Variants in NUSAP1 observed in about 807,000 individuals in gnomAD.
The protein encoded by NUSAP1 is nucleolar and spindle-associated protein 1.
A neutral mutation model predicts 52.8 loss-of-function variants in NUSAP1; 32 were observed. That is an observed-to-expected ratio of 0.61 (90% CI 0.46 to 0.81). NUSAP1 has a LOEUF of 0.81. Ranked by LOEUF, NUSAP1 falls within the 40% of genes least tolerant of loss-of-function variation. NUSAP1 has a pLI of 0.00. For synonymous variants in NUSAP1, 195 were observed against 183.1 expected, an observed-to-expected ratio of 1.06 and a Z score of -0.52; for missense variants, 499 against 522.3, an observed-to-expected ratio of 0.96 and a Z score of 0.43.
chr15:41,348,350 GT>G (rs983642398), intron 2 of NUSAP1, among the ~76,000 whole-genome samples: 45 of 151,988 alleles, frequency 3.0e-4, no homozygotes, highest in Admixed American at 2.7e-3. Context: ...AAATGCTGGG[GT>G]TACAGGTGTG....
intron 2 of NUSAP1, 111 bp from the exon 3 acceptor site, chr15:41,348,987 A>T (rs1363831126): frequency 5.4e-6 from 6 of 1,108,984 alleles, no homozygotes; most frequent in Non-Finnish European, 6.4e-6. Context: ...AGAGTTTTAA[A>T]TTTTTTCTTT....
chr15:41,336,999 C>CTTTTTTT (rs201223527), intron 1 of NUSAP1, among the ~76,000 whole-genome samples: 40 of 65,788 alleles, frequency 6.1e-4, no homozygotes, highest in Non-Finnish European at 6.6e-4. Context: ...CTTTCCTTTT[C>CTTTTTTT]TTTTTTTTTT....
intron 8 of NUSAP1, 146 bp downstream of exon 8, chr15:41,371,830 G>T (rs2049710362): frequency 2.2e-6 from 2 of 917,154 alleles, no homozygotes; most frequent in East Asian, 3.0e-5. Flanking sequence ...GAGTGTAATG[G>T]CGGGATCTCG....
intron 7 of NUSAP1, among the ~76,000 whole-genome samples, chr15:41,370,425 G>A (rs1483818177): frequency 6.6e-6 from 1 of 150,976 alleles, no homozygotes; most frequent in East Asian, 2.0e-4. Context: ...AGAGCAGCCT[G>A]GCCAACATGG....
At chr15:41,336,841 CTTTTG>C (rs1300814226) in intron 1 of NUSAP1, among the ~76,000 whole-genome samples, 1 of 151,256 alleles carries the variant, frequency 6.6e-6, no homozygotes, top group Non-Finnish European at 1.5e-5. Flanking sequence ...AACTTTCCTA[CTTTTG>C]AGGATAATTA....
chr15:41,356,282 C>T, intron 5 of NUSAP1, 142 bp downstream of exon 5: 1 of 645,044 alleles, frequency 1.6e-6, no homozygotes, highest in South Asian at 1.7e-5. Context: ...TCTTGGGGAA[C>T]TTACTCATCC....
rs1286230091 is a variant in NUSAP1, at chr15:41,349,225, TG to T, written c.292del (p.Asp98ThrfsTer11). The T allele has an allele frequency of 9.3e-6, 15 of 1,613,400 alleles. No individual in the cohort carries two copies. The African/African-American group carries it at 2.0e-4, about 22-fold the overall frequency. On this transcript the variant is annotated frameshift_variant, in exon 3 of 11. Transcript: ENST00000559596. LOFTEE classifies it high-confidence loss of function. ...AGGAGAAGGTGCAAGACTGTCCGTG[TG>T]GACCCTGACTCACAGGTGAATGGAA... ...KTRRRCKTVR[V>X]DPDSQQNHSE...
intron 10 of NUSAP1, among the ~76,000 whole-genome samples, chr15:41,378,619 A>C (rs2140885431): frequency 6.6e-6 from 1 of 152,104 alleles, no homozygotes; most frequent in South Asian, 2.1e-4. Flanking sequence ...AAAAATACAA[A>C]ATTAGCCGGG....
chr15:41,370,318 C>G (rs2049615783), intron 7 of NUSAP1, among the ~76,000 whole-genome samples: 2 of 151,470 alleles, frequency 1.3e-5, no homozygotes, highest in Admixed American at 1.3e-4. Flanking sequence ...GGAGGCGGAG[C>G]TTGCAGTTAG....
Position 41,360,543 on chromosome 15 carries a change from C to T in NUSAP1, c.660+2285C>T, listed in dbSNP as rs1051250108. Among the ~76,000 whole-genome samples the T allele has an allele frequency of 4.6e-5, 7 of 152,070 alleles. No individual in the cohort carries two copies. In the South Asian group the frequency reaches 1.0e-3, roughly 22 times the overall value. On this transcript the variant is annotated intron_variant, in intron 6 of 10. Transcript: ENST00000559596. ...ATGTTGGCCAGGCTAGTCTTGAACT[C>T]CTGACCTTGTGATCCACCTGCCTCA...
chr15:41,338,650 GAA>G (rs999826832), intron 1 of NUSAP1, among the ~76,000 whole-genome samples: 1 of 151,610 alleles, frequency 6.6e-6, no homozygotes, highest in Non-Finnish European at 1.5e-5. Context: ...TTAGGGAAAA[GAA>G]AAAAAAGAGA....
intron 3 of NUSAP1, 128 bp from the exon 4 acceptor site, chr15:41,350,860 C>A: frequency 1.3e-6 from 1 of 756,162 alleles, no homozygotes; most frequent in South Asian, 2.0e-5. Flanking sequence ...CCAAATCTGC[C>A]ACCAAAAATC....
chr15:41,344,001 T>G (rs2048463608), intron 2 of NUSAP1: 1 of 144,234 alleles, frequency 6.9e-6, no homozygotes, highest in Non-Finnish European at 1.5e-5. Context: ...GTGGATCACT[T>G]GAGGTCAGGA....
chr15:41,377,327 T>G, intron 10 of NUSAP1, 23 bp downstream of exon 10: 4 of 1,224,204 alleles, frequency 3.3e-6, no homozygotes, highest in Non-Finnish European at 4.6e-6. Flanking sequence ...TTATCCAGCT[T>G]TATAATTATT....
chr15:41,373,292 A>T (rs368430783), intron 8 of NUSAP1, among the ~76,000 whole-genome samples: 7 of 151,718 alleles, frequency 4.6e-5, no homozygotes, highest in African/African-American at 1.7e-4. Context: ...TACTCACTTG[A>T]GAATCACTTG....
At chr15:41,368,911 G>A (rs367845361) in intron 7 of NUSAP1, among the ~76,000 whole-genome samples, 8 of 150,538 alleles carry the variant, frequency 5.3e-5, no homozygotes, top group Admixed American at 2.6e-4. Flanking sequence ...TCTTTTTTTT[G>A]TTTGTTTGTT....
Position 41,375,748 on chromosome 15 carries a change from A to G in NUSAP1, c.1043A>G (p.Gln348Arg), listed in dbSNP as rs2049905360. Residue 348 changes from glutamine (Q) to arginine (R), a missense_variant, in exon 9 of 11, where the codon CAG becomes CGG. Transcript: ENST00000559596. ...TTCAAGTTGACAACTGAGGCAACGC[A>G]GACTCCAGTCTCCAATAAGAAACCA... ...TPFKLTTEAT[Q>R]TPVSNKKPVF... 6.2e-7 allele frequency: 1 copy of G among 1,613,768 alleles called. No homozygotes were observed. Among genetic ancestry groups the G allele is most frequent in the Admixed American group, 1.7e-5 (1 of 59,998 alleles).
Position 41,375,775 on chromosome 15 carries a change from T to C in NUSAP1, c.1070T>C (p.Val357Ala). ...TQTPVSNKKP[V>A]FDLKASLSRP... ...ACTCCAGTCTCCAATAAGAAACCAGTGTTTGATCTTAAAGCAAGTTTGTCT... is the reference window on the plus strand; with the variant it reads ...ACTCCAGTCTCCAATAAGAAACCAGCGTTTGATCTTAAAGCAAGTTTGTCT... The change falls in exon 9 of 11, where the codon GTG (valine) becomes GCG (alanine). Residue 357 changes from valine to alanine, a missense_variant. By Grantham distance (64) the Val-to-Ala change is moderately conservative. Transcript: ENST00000559596. The C allele has an allele frequency of 6.2e-7, 1 of 1,613,934 alleles. No individual in the cohort carries two copies. Among genetic ancestry groups the C allele is most frequent in the Non-Finnish European group, 8.5e-7 (1 of 1,179,822 alleles).
At chr15:41,366,383 C>A (rs540685186) in intron 7 of NUSAP1, among the ~76,000 whole-genome samples, 7 of 151,494 alleles carry the variant, frequency 4.6e-5, no homozygotes, top group African/African-American at 1.2e-4. Context: ...CTCTGCCTCC[C>A]AGGTTCAAGC....
Sources: allele counts gnomAD v4.1 joint callset (sites outside exome capture counted in the v4.1 genomes callset), GRCh38; gene constraint gnomAD v4.1.1; transcripts MANE v1.5; gene names NCBI Gene and HGNC (gene_info 2026-07-23, HGNC 2026-07-21).